GLT1D1: variants seen among roughly 807,000 people sequenced by gnomAD.
The protein encoded by GLT1D1 is glycosyltransferase 1 domain containing 1, also known as glycosyltransferase 1 domain-containing protein 1.
Under a neutral mutation model 28.7 loss-of-function variants are expected in GLT1D1, and 21 were observed. That is an observed-to-expected ratio of 0.73 (90% CI 0.52 to 1.05). The LOEUF is 1.05. Among genes scored for constraint, GLT1D1 ranks in the 50% least tolerant of loss-of-function variants. The pLI is 0.00. For synonymous variants in GLT1D1, 147 were observed against 124.8 expected, an observed-to-expected ratio of 1.18 and a Z score of -1.19; for missense variants, 343 against 330.6, an observed-to-expected ratio of 1.04 and a Z score of -0.29.
chr12:128,950,715 A>T (rs983883561), intron 6 of GLT1D1, among the ~76,000 whole-genome samples: 7 of 152,214 alleles, frequency 4.6e-5, no homozygotes, highest in Non-Finnish European at 1.0e-4. Context: ...GTAAACCTTT[A>T]TCAGCTCTGC....
intron 4 of GLT1D1, chr12:128,944,981 G>A: frequency 1.8e-6 from 1 of 567,518 alleles, no homozygotes; most frequent in Non-Finnish European, 3.2e-6. Context: ...GGTGTGTGAT[G>A]TTCCCCTCCC....
intron 7 of GLT1D1, among the ~76,000 whole-genome samples, chr12:128,973,682 T>C (rs1175354740): frequency 6.6e-6 from 1 of 151,908 alleles, no homozygotes; most frequent in Non-Finnish European, 1.5e-5. Flanking sequence ...TCTTCTTTCC[T>C]TCAAGATGCC....
chr12:128,861,958 G>C (rs1011970730), intron 1 of GLT1D1, among the ~76,000 whole-genome samples: 1 of 152,190 alleles, frequency 6.6e-6, no homozygotes, highest in African/African-American at 2.4e-5. Context: ...CAGACAAGGA[G>C]GCTATTTTAT....
intron 2 of GLT1D1, among the ~76,000 whole-genome samples, chr12:128,882,890 CTTTCTATTTATTTATT>C (rs1957089567): frequency 6.8e-6 from 1 of 146,004 alleles, no homozygotes; most frequent in South Asian, 2.2e-4. Context: ...AGCTCCTCCT[CTTTCTATTTATTTATT>C]TATTTATTTA....
At chr12:128,973,348 A>ATTTTTTTTTTT (rs369304204) in intron 7 of GLT1D1, among the ~76,000 whole-genome samples, 2 of 118,866 alleles carry the variant, frequency 1.7e-5, no homozygotes, top group Admixed American at 9.3e-5. Context: ...ACACCTGGCT[A>ATTTTTTTTTTT]TTTTTTTTTT....
chr12:128,980,268 C>T (rs975331879), intron 7 of GLT1D1, among the ~76,000 whole-genome samples: 5 of 152,212 alleles, frequency 3.3e-5, no homozygotes, highest in Non-Finnish European at 7.3e-5. Context: ...CCACAACAGG[C>T]TCGGACAAAT....
intron 3 of GLT1D1, among the ~76,000 whole-genome samples, chr12:128,889,504 C>T (rs1237456241): frequency 6.6e-6 from 1 of 152,154 alleles, no homozygotes; most frequent in Non-Finnish European, 1.5e-5. Flanking sequence ...GGGCAGCAGC[C>T]TCCAGGTACC....
intron 5 of GLT1D1, 49 bp from the exon 10 acceptor site, chr12:128,947,289 C>T (rs1420806600): frequency 1.9e-6 from 3 of 1,611,628 alleles, no homozygotes; most frequent in East Asian, 2.2e-5. Context: ...CAGCTGCCTA[C>T]CCATGAGATT....
At chr12:128,929,608 A>G (rs1873653178) in intron 4 of GLT1D1, among the ~76,000 whole-genome samples, 1 of 152,170 alleles carries the variant, frequency 6.6e-6, no homozygotes, top group South Asian at 2.1e-4. Flanking sequence ...AGCTTTTCTC[A>G]GTATTTTCAA....
Position 128,876,081 on chromosome 12 carries a change from A to T in GLT1D1, c.217+19A>T, listed in dbSNP as rs1303123869. On this transcript the variant is annotated intron_variant, in intron 2 of 7. Transcript: ENST00000281703. The stretch of plus-strand genomic sequence containing the variant: ...TTGCAAGGTAATCCTCTTTTTCTTC[A>T]AAAGTAAAACACTAGAAATTCTGAA... The T allele has an allele frequency of 6.3e-7, 1 of 1,587,092 alleles. No individual in the cohort carries two copies. Among genetic ancestry groups the T allele is most frequent in the African/African-American group, 1.4e-5 (1 of 73,422 alleles).
intron 3 of GLT1D1, among the ~76,000 whole-genome samples, chr12:128,897,476 C>T (rs369292876): frequency 5.3e-5 from 8 of 152,016 alleles, no homozygotes; most frequent in Admixed American, 3.3e-4. Context: ...AATGTCATAG[C>T]TTTTTATGCT....
At position 128,941,911 on chromosome 12, in the gene GLT1D1, T is replaced by C. The variant is rs1193841621; in HGVS notation, c.376-3415T>C. Among the ~76,000 whole-genome samples, 811 of 142,180 alleles carry C rather than the reference T, an allele frequency of 5.7e-3. 6 individuals are homozygous for C. The highest frequency in any genetic ancestry group is 0.021 in the African/African-American group (763 of 35,678). 93.3% of individuals were successfully genotyped at this position (142,180 alleles called of 152,430 possible). A position where few individuals can be genotyped will look rare whatever the true frequency, so the allele number is the denominator to read the frequency against. ...CTGGTCTCTCTCTCTCTCTCTTTTT[T>C]TTTTTTTTTTTTTTTTTTACTATTA... On this transcript the variant is annotated intron_variant, in intron 4 of 7. Transcript: ENST00000281703.
At chr12:128,956,592 A>G (rs1877339082) in intron 6 of GLT1D1, among the ~76,000 whole-genome samples, 3 of 152,172 alleles carry the variant, frequency 2.0e-5, no homozygotes, top group African/African-American at 7.2e-5. Flanking sequence ...CCTCACCTGA[A>G]TCACTTATTA....
At chr12:128,889,600 G>A (rs1057472078) in intron 3 of GLT1D1, among the ~76,000 whole-genome samples, 3 of 152,262 alleles carry the variant, frequency 2.0e-5, no homozygotes, top group East Asian at 1.9e-4. Context: ...TCCTTCCAGC[G>A]CTGTACTTCC....
intron 4 of GLT1D1, among the ~76,000 whole-genome samples, chr12:128,913,705 C>G (rs752706790): frequency 1.2e-4 from 18 of 152,230 alleles, no homozygotes; most frequent in Non-Finnish European, 2.4e-4. Flanking sequence ...GCACGGCATC[C>G]TGTCATCACC....
chr12:128,853,748 A>T (rs10847702), intron 1 of GLT1D1, 99 bp downstream of exon 1: 201,831 of 782,652 alleles, frequency 0.26, 27,357 homozygotes, highest in South Asian at 0.42. Context: ...GGCCCCCTCC[A>T]GCCGCGCCGG....
At chr12:128,904,906 T>C (rs1870688063) in intron 4 of GLT1D1, among the ~76,000 whole-genome samples, 1 of 152,162 alleles carries the variant, frequency 6.6e-6, no homozygotes, top group African/African-American at 2.4e-5. Flanking sequence ...AGTGCTGGGA[T>C]TACAGGTGAC....
At chr12:128,895,616 C>A (rs867977881) in intron 3 of GLT1D1, among the ~76,000 whole-genome samples, 3 of 151,974 alleles carry the variant, frequency 2.0e-5, no homozygotes, top group Admixed American at 2.0e-4. Context: ...ACCACCACGC[C>A]GGGCTAATTT....
At chr12:128,897,705 G>T (rs1869801470) in intron 3 of GLT1D1, among the ~76,000 whole-genome samples, 1 of 151,814 alleles carries the variant, frequency 6.6e-6, no homozygotes. Context: ...GTCTCGCTCT[G>T]TTGCCCAGGC....
Sources: gnomAD v4.1 joint callset for allele counts (sites outside exome capture counted in the v4.1 genomes callset) on GRCh38, gnomAD v4.1.1 for gene constraint, MANE v1.5 for transcripts, NCBI Gene and HGNC (gene_info 2026-07-23, HGNC 2026-07-21) for gene names.